TENM4: variants seen among roughly 807,000 people sequenced by gnomAD.
The protein encoded by TENM4 is teneurin-4.
Under a neutral mutation model 243.3 loss-of-function variants are expected in TENM4, and 82 were observed. That is an observed-to-expected ratio of 0.34 (90% confidence interval 0.28 to 0.40). The LOEUF (loss-of-function observed/expected upper bound fraction) is 0.40. TENM4 is among the 10% of genes least tolerant of loss of function. TENM4 has a pLI of 1.00. For missense variants in TENM4, 3,138 were observed against 3,673.3 expected (o/e 0.85, Z 3.77); for synonymous variants, 1,412 against 1,456.3 (o/e 0.97, Z 0.69).
In TENM4 at chr11:79,313,320, G is replaced by A. The variant is rs1856751938; in HGVS notation, c.-320-15777C>T. On this transcript the variant is annotated intron_variant, in intron 1 of 33. Transcript: ENST00000278550. ...GACAACTCCAGCTGAGGGTTCTGAAGATTCTCATCCAGGTCTCCCCAACAA... is the reference window on the plus strand; with the variant it reads ...GACAACTCCAGCTGAGGGTTCTGAAAATTCTCATCCAGGTCTCCCCAACAA... Among the ~76,000 whole-genome samples the A allele has an allele frequency of 2.0e-5, 3 of 152,154 alleles. No individual in the cohort carries two copies. In the South Asian group the frequency reaches 6.2e-4, roughly 32 times the overall value.
intron 2 of TENM4, among the ~76,000 whole-genome samples, chr11:79,257,257 T>C (rs183612717): frequency 1.3e-5 from 2 of 152,254 alleles, no homozygotes; most frequent in Non-Finnish European, 2.9e-5. Flanking sequence ...CTGAATGTTG[T>C]GTCCCAAAGG....
chr11:78,695,329 TA>T (rs1404841937), intron 28 of TENM4, among the ~76,000 whole-genome samples: 3 of 152,124 alleles, frequency 2.0e-5, no homozygotes, highest in Non-Finnish European at 4.4e-5. Flanking sequence ...ATTTGAAAGA[TA>T]TTTTTATTGA....
chr11:79,439,979 C>A (rs1001345620), intron 1 of TENM4, among the ~76,000 whole-genome samples: 1 of 151,840 alleles, frequency 6.6e-6, no homozygotes, highest in East Asian at 2.0e-4. Context: ...GAGCTGGGGT[C>A]GCATCTCCAG....
chr11:79,272,414 A>T (rs1855983574), intron 2 of TENM4, among the ~76,000 whole-genome samples: 1 of 152,230 alleles, frequency 6.6e-6, no homozygotes, highest in Non-Finnish European at 1.5e-5. Context: ...AATTTTATTT[A>T]TCTAAAATAT....
intron 1 of TENM4, among the ~76,000 whole-genome samples, chr11:79,336,551 G>A (rs1184144881): frequency 6.6e-6 from 1 of 152,160 alleles, no homozygotes; most frequent in Non-Finnish European, 1.5e-5. Flanking sequence ...AATGCAATAA[G>A]GAATCTAGAG....
At chr11:78,969,757 G>T (rs1857503948) in intron 6 of TENM4, among the ~76,000 whole-genome samples, 1 of 152,150 alleles carries the variant, frequency 6.6e-6, no homozygotes, top group Admixed American at 6.5e-5. Context: ...TTTTTCCCTG[G>T]TAATTCCCTG....
At chr11:78,808,288 C>G (rs1316183138) in intron 14 of TENM4, among the ~76,000 whole-genome samples, 1 of 152,160 alleles carries the variant, frequency 6.6e-6, no homozygotes, top group Non-Finnish European at 1.5e-5. Flanking sequence ...AACCTAATAA[C>G]CTAAATGATA....
At chr11:79,322,042 A>G (rs370271083) in intron 1 of TENM4, among the ~76,000 whole-genome samples, 30 of 152,260 alleles carry the variant, frequency 2.0e-4, no homozygotes, top group East Asian at 1.7e-3. Context: ...GATGTAAATG[A>G]CAGGAAACAG....
chr11:78,880,488 A>AAAAG (rs1368857006), intron 9 of TENM4, among the ~76,000 whole-genome samples: 100 of 112,984 alleles, frequency 8.9e-4, no homozygotes, highest in African/African-American at 2.2e-3. Context: ...AAAAAAAAAA[A>AAAAG]AGAAAGAAAA....
At chr11:79,307,194 A>G (rs1351511536) in intron 1 of TENM4, among the ~76,000 whole-genome samples, 1 of 152,112 alleles carries the variant, frequency 6.6e-6, no homozygotes, top group Non-Finnish European at 1.5e-5. Flanking sequence ...CAGAGAGGCA[A>G]TGTGAATTGC....
At chr11:79,267,722 C>A (rs1855905340) in intron 2 of TENM4, among the ~76,000 whole-genome samples, 1 of 152,106 alleles carries the variant, frequency 6.6e-6, no homozygotes, top group Non-Finnish European at 1.5e-5. Flanking sequence ...CAGTATCTGG[C>A]ACATAATAAA....
intron 4 of TENM4, chr11:79,097,304 A>G (rs2137068513): frequency 6.6e-6 from 1 of 152,312 alleles, no homozygotes; most frequent in Non-Finnish European, 1.5e-5. Flanking sequence ...TATGTTTTCT[A>G]TTCTTTGGGT....
chr11:79,228,926 A>G (rs986982822), intron 2 of TENM4, among the ~76,000 whole-genome samples: 1 of 152,248 alleles, frequency 6.6e-6, no homozygotes, highest in Admixed American at 6.5e-5. Flanking sequence ...GTTTTTCCCT[A>G]ATGTCTTCTG....
chr11:78,976,618 C>T (rs1857661158), intron 6 of TENM4, among the ~76,000 whole-genome samples: 1 of 152,042 alleles, frequency 6.6e-6, no homozygotes, highest in South Asian at 2.1e-4. Flanking sequence ...TAATGAGGAC[C>T]AAGAGTTCTA....
At chr11:79,162,441 A>C (rs1862768180) in intron 3 of TENM4, among the ~76,000 whole-genome samples, 1 of 150,352 alleles carries the variant, frequency 6.7e-6, no homozygotes, top group Admixed American at 6.7e-5. Flanking sequence ...ACTAGTGGTC[A>C]TGATGCTATA....
At chr11:79,371,538 T>C (rs965280439) in intron 1 of TENM4, among the ~76,000 whole-genome samples, 3 of 152,208 alleles carry the variant, frequency 2.0e-5, no homozygotes, top group Non-Finnish European at 4.4e-5. Flanking sequence ...ACAGCCCCCA[T>C]GGGCTTCCTT....
At position 79,024,588 on chromosome 11, in the gene TENM4, C is replaced by G. The variant is rs74624323; in HGVS notation, c.493+40150G>C. The stretch of plus-strand genomic sequence containing the variant: ...CTCTCTCATTCCCTGCCTAGATCAT[C>G]TGTGTACATTTTTTTCTCCTCAATA... On this transcript the variant is annotated intron_variant, in intron 6 of 33. Coordinates refer to ENST00000278550, the MANE Select transcript of TENM4 (RefSeq NM_001098816.3). 3.5e-3 allele frequency among the ~76,000 whole-genome samples: 531 copies of G among 152,304 alleles called. 4 individuals carry two copies. The highest frequency in any genetic ancestry group is 0.012 in the African/African-American group (487 of 41,572).
At chr11:79,272,480 T>A (rs1262238952) in intron 2 of TENM4, among the ~76,000 whole-genome samples, 8 of 152,240 alleles carry the variant, frequency 5.3e-5, no homozygotes, top group African/African-American at 1.9e-4. Context: ...TATATTCTTT[T>A]ATTTTTCCTC....
chr11:79,123,758 C>T (rs986117805), intron 4 of TENM4, among the ~76,000 whole-genome samples: 2 of 152,154 alleles, frequency 1.3e-5, no homozygotes, highest in African/African-American at 4.8e-5. Context: ...GCCTTCAGGC[C>T]ATTCTCTAGG....
Sources: gnomAD v4.1 joint callset for allele counts (sites outside exome capture counted in the v4.1 genomes callset) on GRCh38, gnomAD v4.1.1 for gene constraint, MANE v1.5 for transcripts, NCBI Gene and HGNC (gene_info 2026-07-23, HGNC 2026-07-21) for gene names.